Variants in STIM1 observed in about 807,000 individuals in gnomAD.
The protein encoded by STIM1 is stromal interaction molecule 1.
Under a neutral mutation model 74.7 loss-of-function variants are expected in STIM1, and 25 were observed. That is an observed-to-expected ratio of 0.33 (90% CI 0.24 to 0.47). The LOEUF (loss-of-function observed/expected upper bound fraction) is 0.47, where lower values mean the gene tolerates loss of function less well. Ranked by LOEUF, STIM1 falls within the 20% of genes least tolerant of loss-of-function variation. The pLI, the probability that STIM1 is intolerant of heterozygous loss-of-function variation, is 1.00. For missense variants in STIM1, 728 were observed against 920.8 expected (o/e 0.79, Z 2.71); for synonymous variants, 328 against 348.8 (o/e 0.94, Z 0.66).
At chr11:3,971,126 A>C (rs1227944669) in intron 2 of STIM1, among the ~76,000 whole-genome samples, 1 of 152,100 alleles carries the variant, frequency 6.6e-6, no homozygotes, top group African/African-American at 2.4e-5. Context: ...CTATAATCCC[A>C]GCACTTTGGG....
chr11:3,941,736 G>C (rs986498718), intron 1 of STIM1, among the ~76,000 whole-genome samples: 1 of 151,194 alleles, frequency 6.6e-6, no homozygotes, highest in Middle Eastern at 3.2e-3. Flanking sequence ...GCCCAGGCTA[G>C]AGTGCAATGG....
intron 1 of STIM1, among the ~76,000 whole-genome samples, chr11:3,895,652 TTC>T (rs2092058888): frequency 8.4e-5 from 1 of 11,944 alleles, no homozygotes; most frequent in Non-Finnish European, 1.8e-4. Context: ...CTTTCTTTCT[TTC>T]TTTCTTTCTT....
chr11:3,920,271 G>C (rs1318177249), intron 1 of STIM1, among the ~76,000 whole-genome samples: 2 of 151,856 alleles, frequency 1.3e-5, no homozygotes, highest in Non-Finnish European at 2.9e-5. Context: ...CAATTTGGTG[G>C]TTTTCAACAA....
At chr11:3,907,727 C>G (rs1378058832) in intron 1 of STIM1, among the ~76,000 whole-genome samples, 1 of 152,222 alleles carries the variant, frequency 6.6e-6, no homozygotes, top group Admixed American at 6.5e-5. Context: ...GAGTGGCCCA[C>G]AAGATCACAT....
chr11:3,856,109 C>T lies in STIM1; in HGVS notation c.-162C>T. 1.2e-6 allele frequency: 1 copy of T among 864,086 alleles called. No individual in the cohort carries two copies. The highest frequency in any genetic ancestry group is 1.8e-6 in the Non-Finnish European group (1 of 542,402). 53.5% of individuals were successfully genotyped at this position (864,086 alleles called of 1,614,324 possible). Reference sequence around the variant, plus strand: ...CCGCACCCAAACTTGGAGCACTTGACCTTTGGCTGTTGGAGGGGGCAGGCT... The same window carrying T: ...CCGCACCCAAACTTGGAGCACTTGATCTTTGGCTGTTGGAGGGGGCAGGCT... On this transcript the variant is annotated 5_prime_UTR_variant, in exon 1 of 13. Coordinates refer to ENST00000526596, the MANE Select transcript of STIM1 (RefSeq NM_001382567.1).
chr11:3,980,017 A>G (rs2093486233), intron 2 of STIM1, among the ~76,000 whole-genome samples: 1 of 152,198 alleles, frequency 6.6e-6, no homozygotes, highest in African/African-American at 2.4e-5. Flanking sequence ...CTCCCATAGT[A>G]CATAGTCTCT....
chr11:3,928,870 T>G (rs1367025138), intron 1 of STIM1, among the ~76,000 whole-genome samples: 1 of 152,196 alleles, frequency 6.6e-6, no homozygotes, highest in Non-Finnish European at 1.5e-5. Context: ...TTTTCTTTTC[T>G]TTTTCTTTTT....
At chr11:3,954,085 G>C (rs1451507025) in intron 1 of STIM1, among the ~76,000 whole-genome samples, 2 of 151,960 alleles carry the variant, frequency 1.3e-5, no homozygotes, top group Non-Finnish European at 2.9e-5. Flanking sequence ...CTGACTTTCT[G>C]ATCTTTTAAT....
chr11:4,019,246 A>G (rs1420122270), intron 2 of STIM1: 1 of 152,208 alleles, frequency 6.6e-6, no homozygotes, highest in African/African-American at 2.4e-5. Flanking sequence ...CCTCTCATTA[A>G]AATGACAAAT....
At chr11:3,920,567 C>T (rs1393500077) in intron 1 of STIM1, among the ~76,000 whole-genome samples, 1 of 152,096 alleles carries the variant, frequency 6.6e-6, no homozygotes, top group Non-Finnish European at 1.5e-5. Context: ...TGGTCATTTT[C>T]TCTGTCCCCA....
At chr11:3,991,169 CTTTTTTTTT>C (rs1246143538) in intron 2 of STIM1, among the ~76,000 whole-genome samples, 1 of 124,234 alleles carries the variant, frequency 8.0e-6, no homozygotes. Flanking sequence ...TCTTTCCTTT[CTTTTTTTTT>C]TTTTTTTTTT....
intron 3 of STIM1, among the ~76,000 whole-genome samples, chr11:4,037,817 T>C (rs1422424358): frequency 6.6e-6 from 1 of 152,190 alleles, no homozygotes; most frequent in Non-Finnish European, 1.5e-5. Flanking sequence ...GATATGATTA[T>C]TAATATAAGA....
chr11:4,077,375 T>G (rs1158752242), intron 7 of STIM1, among the ~76,000 whole-genome samples: 1 of 152,050 alleles, frequency 6.6e-6, no homozygotes, highest in Non-Finnish European at 1.5e-5. Flanking sequence ...ATACATCTAA[T>G]GATGTAGTCT....
intron 1 of STIM1, among the ~76,000 whole-genome samples, chr11:3,926,703 A>G (rs1343536364): frequency 6.6e-6 from 1 of 152,254 alleles, no homozygotes; most frequent in East Asian, 1.9e-4. Flanking sequence ...CTGTGTGGAC[A>G]GTCATCTCTC....
chr11:3,949,381 A>G (rs1427871507), intron 1 of STIM1, among the ~76,000 whole-genome samples: 2 of 151,960 alleles, frequency 1.3e-5, no homozygotes, highest in Non-Finnish European at 2.9e-5. Flanking sequence ...TGAGCTGGTG[A>G]GTGGCAGGAG....
chr11:4,080,378 G>C (rs983166867), intron 7 of STIM1, among the ~76,000 whole-genome samples: 5 of 151,874 alleles, frequency 3.3e-5, no homozygotes, highest in South Asian at 2.1e-4. Context: ...ATTTATTACT[G>C]TGCATGGCAT....
In STIM1 at chr11:3,991,866, T is replaced by C. The variant is rs183985853; in HGVS notation, c.270+24184T>C. The stretch of plus-strand genomic sequence containing the variant: ...TTGGAAGGCTGAGGCAGGAGAATCG[T>C]GTGAACCTGGGAGGCGGAGGTTGCG... On this transcript the variant is annotated intron_variant, in intron 2 of 12. Coordinates refer to ENST00000526596, the MANE Select transcript of STIM1 (RefSeq NM_001382567.1). 6.4e-3 allele frequency among the ~76,000 whole-genome samples: 902 copies of C among 140,744 alleles called. 7 individuals are homozygous for C. Among genetic ancestry groups the C allele is most frequent in the African/African-American group, 0.022 (844 of 37,868 alleles). 92.3% of individuals were successfully genotyped at this position (140,744 alleles called of 152,430 possible). A position where few individuals can be genotyped will look rare whatever the true frequency, so the allele number is the denominator to read the frequency against.
At chr11:3,954,477 T>C (rs1360757405) in intron 1 of STIM1, among the ~76,000 whole-genome samples, 1 of 152,210 alleles carries the variant, frequency 6.6e-6, no homozygotes, top group Non-Finnish European at 1.5e-5. Flanking sequence ...GCTTTCAATT[T>C]AGTGGAGAAG....
intron 2 of STIM1, among the ~76,000 whole-genome samples, chr11:4,014,521 A>G (rs943281212): frequency 2.0e-5 from 3 of 152,228 alleles, no homozygotes; most frequent in Non-Finnish European, 4.4e-5. Context: ...AAGAATGTAT[A>G]GTCTGTTGAT....
Sources: gnomAD v4.1 joint callset for allele counts (sites outside exome capture counted in the v4.1 genomes callset) on GRCh38, gnomAD v4.1.1 for gene constraint, MANE v1.5 for transcripts, NCBI Gene and HGNC (gene_info 2026-07-23, HGNC 2026-07-21) for gene names.